Variants in KCNH8 observed in about 807,000 individuals in gnomAD.
The protein encoded by KCNH8 is potassium voltage-gated channel subfamily H member 8, also known as voltage-gated delayed rectifier potassium channel KCNH8.
In KCNH8, 70 loss-of-function variants were observed where a neutral mutation model predicts 103.6. The ratio of observed to expected loss-of-function variants is 0.68; its 90% confidence interval spans 0.56 to 0.82. KCNH8 has a LOEUF of 0.82. Ranked by LOEUF, KCNH8 falls within the 40% of genes least tolerant of loss-of-function variation. KCNH8 has a pLI of 0.00. For missense variants in KCNH8, 1,217 were observed against 1,329.9 expected (o/e 0.92, Z 1.32); for synonymous variants, 498 against 489.4 (o/e 1.02, Z -0.23).
chr3:19,242,129 C>G (rs1446971398), intron 1 of KCNH8, among the ~76,000 whole-genome samples: 2 of 151,934 alleles, frequency 1.3e-5, no homozygotes, highest in Non-Finnish European at 2.9e-5. Context: ...GTATTCCAGG[C>G]CATGAAAGAG....
At chr3:19,408,167 A>G (rs1261906346) in intron 7 of KCNH8, among the ~76,000 whole-genome samples, 2 of 152,220 alleles carry the variant, frequency 1.3e-5, no homozygotes, top group Admixed American at 6.5e-5. Context: ...AGTGTCATCT[A>G]TGGGCTTGTA....
intron 3 of KCNH8, among the ~76,000 whole-genome samples, chr3:19,293,458 C>G (rs1188101792): frequency 6.6e-6 from 1 of 152,202 alleles, no homozygotes; most frequent in Admixed American, 6.5e-5. Context: ...GACACTTCAG[C>G]ATCACCTGGG....
intron 5 of KCNH8, among the ~76,000 whole-genome samples, chr3:19,357,846 T>C (rs2065899195): frequency 6.6e-6 from 1 of 151,880 alleles, no homozygotes; most frequent in Non-Finnish European, 1.5e-5. Flanking sequence ...ATGGGGAATA[T>C]ATAAATAAAG....
chr3:19,286,166 A>G (rs1176564208), intron 3 of KCNH8, among the ~76,000 whole-genome samples: 4 of 152,194 alleles, frequency 2.6e-5, no homozygotes, highest in African/African-American at 9.6e-5. Flanking sequence ...AAGGAAAACG[A>G]GATCTTTTGG....
At chr3:19,312,378 T>C (rs1351419941) in intron 3 of KCNH8, among the ~76,000 whole-genome samples, 3 of 151,936 alleles carry the variant, frequency 2.0e-5, no homozygotes, top group African/African-American at 7.2e-5. Context: ...TATACTATAG[T>C]GAAAGGGACA....
intron 7 of KCNH8, among the ~76,000 whole-genome samples, chr3:19,428,971 C>G (rs772635845): frequency 1.2e-4 from 19 of 152,006 alleles, no homozygotes; most frequent in Admixed American, 2.0e-4. Context: ...ACTGTGCCCC[C>G]CTTTAGGTCT....
At chr3:19,456,088 C>A (rs2067527956) in intron 10 of KCNH8, among the ~76,000 whole-genome samples, 2 of 152,026 alleles carry the variant, frequency 1.3e-5, no homozygotes, top group Admixed American at 1.3e-4. Flanking sequence ...GACTTAAATT[C>A]TTCCACACCA....
chr3:19,439,096 G>A (rs1183104932), intron 8 of KCNH8, among the ~76,000 whole-genome samples: 1 of 152,142 alleles, frequency 6.6e-6, no homozygotes, highest in Non-Finnish European at 1.5e-5. Context: ...ATGAAAGAGG[G>A]TGGTTGATTC....
intron 7 of KCNH8, among the ~76,000 whole-genome samples, chr3:19,425,938 TAA>T (rs1319229331): frequency 6.6e-6 from 1 of 152,142 alleles, no homozygotes; most frequent in African/African-American, 2.4e-5. Flanking sequence ...TAATATTACT[TAA>T]GAGAATAGAA....
At chr3:19,274,436 A>C (rs2064633822) in intron 2 of KCNH8, among the ~76,000 whole-genome samples, 1 of 152,050 alleles carries the variant, frequency 6.6e-6, no homozygotes, top group African/African-American at 2.4e-5. Flanking sequence ...TCCATTTCCT[A>C]CTATAAAACT....
chr3:19,376,302 T>C (rs955265373), intron 5 of KCNH8, among the ~76,000 whole-genome samples: 1 of 152,168 alleles, frequency 6.6e-6, no homozygotes, highest in East Asian at 1.9e-4. Flanking sequence ...AATCTCGTGG[T>C]GCGCCATTTT....
Position 19,319,254 on chromosome 3 carries a change from A to G in KCNH8, c.443-23333A>G, listed in dbSNP as rs144047919. 9.4e-3 allele frequency among the ~76,000 whole-genome samples: 1,429 copies of G among 152,114 alleles called. 28 individuals are homozygous for G. The highest frequency in any genetic ancestry group is 0.063 in the East Asian group (324 of 5,172). The stretch of plus-strand genomic sequence containing the variant: ...AGTCTTTGCCTAAGCCAATGTCTAG[A>G]AGAGTTTTTCTGGTGTTATCTTCTA... On this transcript the variant is annotated intron_variant, in intron 3 of 15. Transcript: ENST00000328405.
intron 2 of KCNH8, among the ~76,000 whole-genome samples, chr3:19,268,994 C>T (rs1369882881): frequency 1.3e-5 from 2 of 152,098 alleles, no homozygotes; most frequent in East Asian, 3.9e-4. Context: ...AAAGAAACCA[C>T]CTAATCTGAC....
intron 5 of KCNH8, among the ~76,000 whole-genome samples, chr3:19,387,520 A>G (rs1236700401): frequency 6.6e-6 from 1 of 152,118 alleles, no homozygotes; most frequent in Non-Finnish European, 1.5e-5. Context: ...TCGTAAATAT[A>G]CCAGAACTAT....
chr3:19,530,128 G>A (rs533275741), intron 15 of KCNH8, among the ~76,000 whole-genome samples: 1 of 152,252 alleles, frequency 6.6e-6, no homozygotes, highest in South Asian at 2.1e-4. Context: ...GAGGTAGAGA[G>A]TAGAATGATG....
intron 11 of KCNH8, among the ~76,000 whole-genome samples, chr3:19,469,153 C>G (rs952432836): frequency 1.3e-5 from 2 of 152,144 alleles, no homozygotes; most frequent in African/African-American, 4.8e-5. Flanking sequence ...TAATTCTTCA[C>G]TTTTCTGAGA....
intron 1 of KCNH8, among the ~76,000 whole-genome samples, chr3:19,164,541 G>T (rs865797377): frequency 2.0e-5 from 3 of 152,172 alleles, no homozygotes; most frequent in Non-Finnish European, 4.4e-5. Context: ...CACACATTTT[G>T]TAAGTAGTGA....
At chr3:19,315,797 CAAG>C (rs2065265689) in intron 3 of KCNH8, among the ~76,000 whole-genome samples, 2 of 151,826 alleles carry the variant, frequency 1.3e-5, no homozygotes, top group Non-Finnish European at 2.9e-5. Context: ...AATTTGGATG[CAAG>C]TGGTTGAGGC....
chr3:19,389,469 A>T (rs1408470510), intron 5 of KCNH8, among the ~76,000 whole-genome samples: 1 of 152,170 alleles, frequency 6.6e-6, no homozygotes, highest in Non-Finnish European at 1.5e-5. Context: ...AATTTAACCC[A>T]GAAATTCACA....
Sources: allele counts gnomAD v4.1 joint callset (sites outside exome capture counted in the v4.1 genomes callset), GRCh38; gene constraint gnomAD v4.1.1; transcripts MANE v1.5; gene names NCBI Gene and HGNC (gene_info 2026-07-23, HGNC 2026-07-21).